DYNLRB1: variants seen among roughly 807,000 people sequenced by gnomAD.
The protein encoded by DYNLRB1 is ROBL/LC7-like 1.
DYNLRB1 carries 6 observed loss-of-function variants against 13.5 expected under a neutral mutation model. The observed-to-expected ratio is 0.44, with a 90% CI of 0.24 to 0.88. DYNLRB1 has a LOEUF of 0.88. Ranked by LOEUF, DYNLRB1 falls within the 40% of genes least tolerant of loss-of-function variation. The pLI is 0.21. For missense variants in DYNLRB1, 93 were observed against 127.2 expected (o/e 0.73, Z 1.29); for synonymous variants, 43 against 45.0 (o/e 0.96, Z 0.18).
intron 2 of DYNLRB1, chr20:34,526,660 A>G (rs1980250418): frequency 5.8e-6 from 2 of 344,790 alleles, no homozygotes; most frequent in South Asian, 7.8e-5. Context: ...ACCCTGACAG[A>G]TCACACTTCA....
intron 3 of DYNLRB1, among the ~76,000 whole-genome samples, chr20:34,537,256 C>T (rs190637125): frequency 1.3e-4 from 20 of 152,146 alleles, no homozygotes; most frequent in Admixed American, 5.9e-4. Flanking sequence ...AGGACGGTGG[C>T]GCGCTGAGCT....
chr20:34,523,785 A>G (rs1179276637), intron 1 of DYNLRB1, among the ~76,000 whole-genome samples: 1 of 152,080 alleles, frequency 6.6e-6, no homozygotes, highest in Non-Finnish European at 1.5e-5. Context: ...GATTTTTGTT[A>G]TATTTTGTTC....
intron 2 of DYNLRB1, 142 bp downstream of exon 2, chr20:34,526,485 C>CAT (rs1298656276): frequency 2.1e-5 from 5 of 238,946 alleles, no homozygotes; most frequent in African/African-American, 3.3e-5. Context: ...CTCCAGTGTT[C>CAT]TTTTTTTTTT....
intron 2 of DYNLRB1, among the ~76,000 whole-genome samples, chr20:34,528,642 CATGTTAG>C: frequency 6.6e-6 from 1 of 152,088 alleles, no homozygotes; most frequent in Non-Finnish European, 1.5e-5. Context: ...TTTTTGCAAG[CATGTTAG>C]ATGCCATAAT....
Position 34,526,358 on chromosome 20 carries a change from C to A in DYNLRB1, c.79+15C>A. The A allele has an allele frequency of 6.2e-7, 1 of 1,613,188 alleles. No individual in the cohort carries two copies. Among genetic ancestry groups the A allele is most frequent in the South Asian group, 1.1e-5 (1 of 90,942 alleles). The stretch of plus-strand genomic sequence containing the variant: ...GAACACAGAAGGTACGCCCTCCCTC[C>A]CGCCATGACCCGCACCCAGGCAGGC... On this transcript the variant is annotated intron_variant, in intron 2 of 3. Transcript: ENST00000357156.
intron 3 of DYNLRB1, among the ~76,000 whole-genome samples, chr20:34,540,098 A>C (rs1981463217): frequency 6.6e-6 from 1 of 152,240 alleles, no homozygotes; most frequent in Non-Finnish European, 1.5e-5. Flanking sequence ...CCCACAGCCT[A>C]CAACATCAGC....
intron 1 of DYNLRB1, chr20:34,516,813 T>C (rs1444680642): frequency 1.9e-6 from 3 of 1,550,046 alleles, no homozygotes; most frequent in Non-Finnish European, 2.6e-6. Context: ...GCTCAGTTTG[T>C]GGCAGGCTCT....
At chr20:34,540,350 A>G (rs532792336) in intron 3 of DYNLRB1, among the ~76,000 whole-genome samples, 10 of 152,326 alleles carry the variant, frequency 6.6e-5, no homozygotes, top group Non-Finnish European at 5.9e-5. Context: ...GACACACTGT[A>G]GAGTGCCCGC....
intron 2 of DYNLRB1, chr20:34,530,114 C>G (rs1333000404): frequency 5.7e-6 from 7 of 1,231,476 alleles, no homozygotes; most frequent in African/African-American, 1.6e-5. Flanking sequence ...ACAGCCCCAG[C>G]TGTGACCCCC....
At chr20:34,533,472 T>A in intron 2 of DYNLRB1, 8 of 985,436 alleles carry the variant, frequency 8.1e-6, no homozygotes, top group Non-Finnish European at 9.6e-6. Flanking sequence ...TGGGTGGAAA[T>A]CATGATGGTT....
intron 2 of DYNLRB1, among the ~76,000 whole-genome samples, chr20:34,532,717 C>G (rs913644415): frequency 6.6e-6 from 1 of 152,192 alleles, no homozygotes; most frequent in Non-Finnish European, 1.5e-5. Flanking sequence ...TTGTCTCTTA[C>G]AGACAAGTGA....
At chr20:34,524,483 C>T (rs1475770669) in intron 1 of DYNLRB1, among the ~76,000 whole-genome samples, 1 of 152,144 alleles carries the variant, frequency 6.6e-6, no homozygotes, top group African/African-American at 2.4e-5. Flanking sequence ...GATGAATTTC[C>T]AGGAGGGCGA....
At chr20:34,520,339 T>C (rs1979611932) in intron 1 of DYNLRB1, among the ~76,000 whole-genome samples, 1 of 152,206 alleles carries the variant, frequency 6.6e-6, no homozygotes, top group Non-Finnish European at 1.5e-5. Flanking sequence ...TGTTGTCATA[T>C]CATCTTTGTG....
Position 34,521,075 on chromosome 20 carries a change from C to T in DYNLRB1, c.3+4614C>T, listed in dbSNP as rs979978776. On this transcript the variant is annotated intron_variant, in intron 1 of 3. Coordinates refer to ENST00000357156, the MANE Select transcript of DYNLRB1 (RefSeq NM_014183.4). Reference sequence around the variant, plus strand: ...ACTCTGTTGCCCAGGCTGGAGGGCACGATCTCAGCTCACTACAAACTCTGC... The same window carrying T: ...ACTCTGTTGCCCAGGCTGGAGGGCATGATCTCAGCTCACTACAAACTCTGC... Among the ~76,000 whole-genome samples, 10 of 152,066 alleles carry T rather than the reference C, an allele frequency of 6.6e-5. No homozygotes were observed. The South Asian group carries it at 1.2e-3, about 19-fold the overall frequency.
At chr20:34,528,749 T>C (rs937533299) in intron 2 of DYNLRB1, among the ~76,000 whole-genome samples, 1 of 152,040 alleles carries the variant, frequency 6.6e-6, no homozygotes, top group African/African-American at 2.4e-5. Flanking sequence ...GGCAGGACGA[T>C]TGCTTGAGCC....
intron 2 of DYNLRB1, chr20:34,529,917 T>G (rs1205138906): frequency 6.7e-7 from 1 of 1,499,886 alleles, no homozygotes; most frequent in Non-Finnish European, 8.9e-7. Flanking sequence ...CTGCCCCTGA[T>G]CAGTTGGGTG....
At chr20:34,526,370 G>C in intron 2 of DYNLRB1, 27 bp downstream of exon 2, 5 of 1,611,426 alleles carry the variant, frequency 3.1e-6, no homozygotes, top group Non-Finnish European at 3.4e-6. Flanking sequence ...GCCATGACCC[G>C]CACCCAGGCA....
intron 3 of DYNLRB1, among the ~76,000 whole-genome samples, chr20:34,537,480 A>G (rs1248751240): frequency 3.9e-5 from 6 of 152,070 alleles, no homozygotes; most frequent in African/African-American, 1.4e-4. Context: ...CACTGCTGAC[A>G]CCCCACTGAT....
chr20:34,535,059 A>G (rs1309016606), intron 3 of DYNLRB1: 2 of 1,304,962 alleles, frequency 1.5e-6, no homozygotes, highest in Non-Finnish European at 2.0e-6. Flanking sequence ...CCCTTCCTTG[A>G]TAGGAGAAAA....
Sources: gnomAD v4.1 joint callset for allele counts (sites outside exome capture counted in the v4.1 genomes callset) on GRCh38, gnomAD v4.1.1 for gene constraint, MANE v1.5 for transcripts, NCBI Gene and HGNC (gene_info 2026-07-23, HGNC 2026-07-21) for gene names.